The following KSR2 variants were observed in gnomAD, a reference collection of about 807,000 sequenced individuals.
KSR2 encodes kinase suppressor of ras 2.
KSR2 carries 25 observed loss-of-function variants against 107.8 expected under a neutral mutation model. That is an observed-to-expected ratio of 0.23 (90% CI 0.17 to 0.32). The LOEUF (loss-of-function observed/expected upper bound fraction) is 0.32, where lower values mean the gene tolerates loss of function less well. KSR2 is among the 10% of genes least tolerant of loss of function. The pLI is 1.00. For missense variants in KSR2, 887 were observed against 1,268.9 expected (o/e 0.70, Z 4.57); for synonymous variants, 480 against 507.0 (o/e 0.95, Z 0.71).
chr12:117,691,351 A>G (rs1885805062), intron 4 of KSR2, among the ~76,000 whole-genome samples: 1 of 152,204 alleles, frequency 6.6e-6, no homozygotes, highest in Non-Finnish European at 1.5e-5. Context: ...AGATGGTGCC[A>G]GGGGACACTG....
chr12:117,745,191 C>T (rs1419181717), intron 4 of KSR2, among the ~76,000 whole-genome samples: 1 of 152,214 alleles, frequency 6.6e-6, no homozygotes, highest in African/African-American at 2.4e-5. Context: ...AAAATGGAAT[C>T]TCTTCTGATT....
At chr12:117,714,731 C>T (rs907936346) in intron 4 of KSR2, among the ~76,000 whole-genome samples, 29 of 152,122 alleles carry the variant, frequency 1.9e-4, no homozygotes, top group Admixed American at 1.6e-3. Flanking sequence ...CTCTAGGGGA[C>T]ATCGGACAAT....
chr12:117,853,950 C>T (rs1187361558), intron 3 of KSR2, among the ~76,000 whole-genome samples: 1 of 152,102 alleles, frequency 6.6e-6, no homozygotes, highest in African/African-American at 2.4e-5. Context: ...GTCAAGGATG[C>T]TTCTAACCAA....
chr12:117,591,479 C>T (rs946530102), intron 5 of KSR2, among the ~76,000 whole-genome samples: 6 of 151,894 alleles, frequency 4.0e-5, no homozygotes, highest in African/African-American at 9.7e-5. Flanking sequence ...GTGGTGGTGA[C>T]GGATGAGATA....
chr12:117,876,391 G>A (rs557636257), intron 1 of KSR2, among the ~76,000 whole-genome samples: 24 of 152,358 alleles, frequency 1.6e-4, no homozygotes, highest in Non-Finnish European at 2.9e-4. Flanking sequence ...AGGCCAGGCA[G>A]AGGGACCCAA....
At chr12:117,506,031 C>T (rs75389406) in intron 14 of KSR2, among the ~76,000 whole-genome samples, 1,562 of 152,266 alleles carry the variant, frequency 0.01, 32 homozygotes, top group African/African-American at 0.036. Flanking sequence ...TATAAAGCCC[C>T]GCAGCTCCAG....
intron 4 of KSR2, chr12:117,677,395 T>C (rs905568476): frequency 5.3e-5 from 8 of 152,274 alleles, no homozygotes; most frequent in East Asian, 1.9e-4. Flanking sequence ...CAGGGATGTA[T>C]AGAAGCCGCC....
chr12:117,880,713 C>CTT (rs545456495), intron 1 of KSR2, among the ~76,000 whole-genome samples: 16 of 116,688 alleles, frequency 1.4e-4, no homozygotes, highest in Non-Finnish European at 2.1e-4. Context: ...TTGCCAGATT[C>CTT]TTTTTTTTTT....
In KSR2 at chr12:117,560,096, T is replaced by C. The variant is rs114029485; in HGVS notation, c.1326-1523A>G. Reference sequence around the variant, plus strand: ...CAGACTCAACATTGATTCCTCCAATTAGTCTAGTTCAGTGGTTCTGAAAGT... The same window carrying C: ...CAGACTCAACATTGATTCCTCCAATCAGTCTAGTTCAGTGGTTCTGAAAGT... On this transcript the variant is annotated intron_variant, in intron 7 of 19. Coordinates refer to ENST00000339824, the MANE Select transcript of KSR2 (RefSeq NM_173598.6). Among the ~76,000 whole-genome samples, 1,298 of 152,230 alleles carry C rather than the reference T, an allele frequency of 8.5e-3. 16 individuals carry two copies. The highest frequency in any genetic ancestry group is 0.03 in the African/African-American group (1,240 of 41,506).
rs984766654 is a variant in KSR2, at chr12:117,761,425, A to G, written c.572T>C (p.Ile191Thr). Residue 191 changes from isoleucine (I) to threonine (T), a missense_variant, in exon 4 of 20, where the codon ATC becomes ACC. By Grantham distance (89) the Ile-to-Thr change is moderately conservative (BLOSUM62 -1). Transcript: ENST00000339824. ...PVCPPEPTPW[I>T]RTHLSQSPRV... ...GGGGCTCTGGGAGAGATGGGTGCGG[A>G]TCCACGGGGTGGGCTCCGGGGGGCA... 2 of 1,611,794 alleles carry G rather than the reference A, an allele frequency of 1.2e-6. No individual in the cohort carries two copies. The highest frequency in any genetic ancestry group is 1.3e-5 in the African/African-American group (1 of 74,596).
In KSR2 at chr12:117,950,749, A is replaced by AATAATAATAAT. The variant is rs1555260903; in HGVS notation, c.180+17326_180+17327insATTATTATTAT. On this transcript the variant is annotated intron_variant, in intron 1 of 19. Transcript: ENST00000339824. The stretch of plus-strand genomic sequence containing the variant: ...GAGCAAGACTCTGTAAAAAAAAAAA[A>AATAATAATAAT]AATAATAATAATAATAATAATGATA... 6.9e-3 allele frequency among the ~76,000 whole-genome samples: 913 copies of AATAATAATAAT among 132,112 alleles called. 17 individuals are homozygous for AATAATAATAAT. In the East Asian group the frequency reaches 0.069, roughly 10 times the overall value. The allele number at this position is 132,112 out of a possible 152,430, so 86.7% of individuals were successfully genotyped here.
At chr12:117,580,593 G>A (rs1027082440) in intron 6 of KSR2, among the ~76,000 whole-genome samples, 1 of 152,236 alleles carries the variant, frequency 6.6e-6, no homozygotes, top group Non-Finnish European at 1.5e-5. Context: ...CAAGGCTGGG[G>A]TGAGTCCAGT....
intron 3 of KSR2, among the ~76,000 whole-genome samples, chr12:117,837,910 C>T (rs1251492890): frequency 6.6e-6 from 1 of 152,146 alleles, no homozygotes. Context: ...TTTAAGGTTT[C>T]CTGTTTGAAG....
At chr12:117,611,412 T>C (rs12426011) in intron 5 of KSR2, among the ~76,000 whole-genome samples, 13,465 of 76,654 alleles carry the variant, frequency 0.18, 661 homozygotes, top group Middle Eastern at 0.3. Flanking sequence ...TCATGAAATG[T>C]TGTCAATACT....
At chr12:117,624,923 C>T (rs4767582) in intron 5 of KSR2, among the ~76,000 whole-genome samples, 136,480 of 152,206 alleles carry the variant, frequency 0.9, 61,355 homozygotes, top group East Asian at 0.99. Flanking sequence ...CCTTCACATC[C>T]GTTGTAAGTT....
chr12:117,957,748 T>TACACACACACACAC (rs60722226), intron 1 of KSR2, among the ~76,000 whole-genome samples: 1 of 148,014 alleles, frequency 6.8e-6, no homozygotes, highest in African/African-American at 2.5e-5. Context: ...AATTGTGAGT[T>TACACACACACACAC]ACACACACAC....
chr12:117,968,311 G>GGC lies in KSR2; in HGVS notation c.-57_-56insGC. ...CTCCTCCCAGAGAGAAAAAAGAGGG[G>GGC]GGGGAGTAGAGGTAGTCTACCCTCC... On this transcript the variant is annotated 5_prime_UTR_variant, in exon 1 of 20. Coordinates refer to ENST00000339824, the MANE Select transcript of KSR2 (RefSeq NM_173598.6). 1.4e-6 allele frequency: 2 copies of GGC among 1,456,370 alleles called. No homozygotes were observed. The highest frequency in any genetic ancestry group is 1.4e-5 in the African/African-American group (1 of 69,418). The allele number at this position is 1,456,370 out of a possible 1,614,324, so 90.2% of individuals were successfully genotyped here.
chr12:117,574,795 G>A (rs1271251116), intron 7 of KSR2, among the ~76,000 whole-genome samples: 1 of 151,690 alleles, frequency 6.6e-6, no homozygotes, highest in African/African-American at 2.4e-5. Context: ...CGCTGATGGT[G>A]CTGGTCCAGG....
intron 1 of KSR2, among the ~76,000 whole-genome samples, chr12:117,952,612 G>T (rs966527900): frequency 2.0e-5 from 3 of 152,048 alleles, no homozygotes; most frequent in Admixed American, 6.6e-5. Flanking sequence ...GGAGGCGGAG[G>T]CTACAGTGAG....
Sources: allele counts gnomAD v4.1 joint callset (sites outside exome capture counted in the v4.1 genomes callset), GRCh38; gene constraint gnomAD v4.1.1; transcripts MANE v1.5; gene names NCBI Gene and HGNC (gene_info 2026-07-23, HGNC 2026-07-21).